The following ADORA2B variants were observed in gnomAD, a reference collection of about 807,000 sequenced individuals.
ADORA2B encodes the protein adenosine receptor A2b.
ADORA2B carries 18 observed loss-of-function variants against 20.8 expected under a neutral mutation model. That is an observed-to-expected ratio of 0.87 (90% confidence interval 0.60 to 1.29). ADORA2B has a LOEUF of 1.29. Ranked by LOEUF, ADORA2B falls within the 50% of genes most tolerant of loss-of-function variation. The probability of loss-of-function intolerance (pLI) is 0.00; values close to 1 mark genes in which losing one functional copy is unlikely to be tolerated. For synonymous variants in ADORA2B, 179 were observed against 178.3 expected, an observed-to-expected ratio of 1.00 and a Z score of -0.03; for missense variants, 441 against 422.7, an observed-to-expected ratio of 1.04 and a Z score of -0.38.
chr17:15,873,792 GT>G, the ADORA2B span, among the ~76,000 whole-genome samples: 1 of 152,124 alleles, frequency 6.6e-6, no homozygotes, highest in Admixed American at 6.5e-5. Flanking sequence ...TACACTACTG[GT>G]GGTAATGTAA....
In ADORA2B at chr17:15,953,434, C is replaced by T. The variant is rs144101649; in HGVS notation, c.335+7851C>T. Among the ~76,000 whole-genome samples, 123 of 152,324 alleles carry T rather than the reference C, an allele frequency of 8.1e-4. 1 individual carries two copies. The East Asian group carries it at 0.021, about 26-fold the overall frequency. ...CCACCAGTCCCTCTGCCGGGGGCAGCCCCCAGCCTGTTTCTCTTGGCATTT... is the reference window on the plus strand; with the variant it reads ...CCACCAGTCCCTCTGCCGGGGGCAGTCCCCAGCCTGTTTCTCTTGGCATTT... On this transcript the variant is annotated intron_variant, in intron 1 of 1. Coordinates refer to ENST00000304222, the MANE Select transcript of ADORA2B (RefSeq NM_000676.4).
chr17:15,962,235 G>A (rs942792629), intron 1 of ADORA2B, among the ~76,000 whole-genome samples: 4 of 151,914 alleles, frequency 2.6e-5, no homozygotes, highest in Non-Finnish European at 4.4e-5. Flanking sequence ...CCCGGGAGGC[G>A]GAGGTTGCAG....
At chr17:15,920,205 G>C in the ADORA2B span, among the ~76,000 whole-genome samples, 2 of 152,166 alleles carry the variant, frequency 1.3e-5, no homozygotes, top group Non-Finnish European at 2.9e-5. Context: ...ATAGACACGG[G>C]AGACACAGAA....
the ADORA2B span, among the ~76,000 whole-genome samples, chr17:15,854,718 A>C: frequency 6.6e-6 from 1 of 152,252 alleles, no homozygotes; most frequent in African/African-American, 2.4e-5. Flanking sequence ...AAGGGAAAGA[A>C]TGCTTTGGAA....
intron 1 of ADORA2B, among the ~76,000 whole-genome samples, chr17:15,950,559 C>T (rs1281927691): frequency 6.6e-6 from 1 of 152,172 alleles, no homozygotes; most frequent in Non-Finnish European, 1.5e-5. Context: ...AGTCACTTCC[C>T]GGACCTCGTT....
At chr17:15,906,136 C>G in the ADORA2B span, among the ~76,000 whole-genome samples, 1 of 152,178 alleles carries the variant, frequency 6.6e-6, no homozygotes, top group African/African-American at 2.4e-5. Context: ...CTAGAACTTC[C>G]AGTACAATGT....
At chr17:15,873,090 T>G in the ADORA2B span, among the ~76,000 whole-genome samples, 1 of 152,200 alleles carries the variant, frequency 6.6e-6, no homozygotes, top group Non-Finnish European at 1.5e-5. Flanking sequence ...TTATGCCTAG[T>G]TGTTAAGAGC....
the ADORA2B span, among the ~76,000 whole-genome samples, chr17:15,906,564 C>G: frequency 6.6e-6 from 1 of 152,082 alleles, no homozygotes; most frequent in Non-Finnish European, 1.5e-5. Context: ...CTATAGTTTT[C>G]TTGTAATGTC....
At chr17:15,909,195 A>T in the ADORA2B span, among the ~76,000 whole-genome samples, 5 of 64,196 alleles carry the variant, frequency 7.8e-5, 1 homozygote, top group Admixed American at 4.0e-4. Context: ...CTACGTCTCT[A>T]AAAAAAACAG....
At chr17:15,883,665 GAC>G in the ADORA2B span, among the ~76,000 whole-genome samples, 1 of 152,230 alleles carries the variant, frequency 6.6e-6, no homozygotes, top group Non-Finnish European at 1.5e-5. Flanking sequence ...ATGGTAGAGG[GAC>G]ACAGTCACAC....
the ADORA2B span, among the ~76,000 whole-genome samples, chr17:15,922,741 C>T: frequency 6.6e-6 from 1 of 152,220 alleles, no homozygotes; most frequent in Admixed American, 6.5e-5. Context: ...GTTTATGCTT[C>T]TGACGGAACA....
chr17:15,946,943 C>T (rs892242133), intron 1 of ADORA2B, among the ~76,000 whole-genome samples: 1 of 152,154 alleles, frequency 6.6e-6, no homozygotes, highest in Non-Finnish European at 1.5e-5. Flanking sequence ...GGAATGGAGC[C>T]GGAGAATGCT....
chr17:15,894,542 G>A, the ADORA2B span, among the ~76,000 whole-genome samples: 2 of 152,220 alleles, frequency 1.3e-5, no homozygotes, highest in Non-Finnish European at 2.9e-5. Context: ...GAGTCCAAGG[G>A]GGCAGGGCCT....
chr17:15,875,193 C>G, the ADORA2B span, among the ~76,000 whole-genome samples: 2 of 152,150 alleles, frequency 1.3e-5, no homozygotes, highest in Non-Finnish European at 2.9e-5. Context: ...CTGCAGAGAT[C>G]CTGATGAGCA....
the ADORA2B span, among the ~76,000 whole-genome samples, chr17:15,918,557 C>T: frequency 1.3e-5 from 2 of 152,166 alleles, no homozygotes; most frequent in African/African-American, 4.8e-5. Context: ...CTGCAACCTC[C>T]GCCTTCCGGA....
the ADORA2B span, among the ~76,000 whole-genome samples, chr17:15,859,022 C>T: frequency 6.6e-6 from 1 of 152,130 alleles, no homozygotes; most frequent in Admixed American, 6.5e-5. Flanking sequence ...TAGGGTCTTG[C>T]TTTGTTGCCC....
At chr17:15,942,460 C>A (rs1166106097), upstream of ADORA2B, among the ~76,000 whole-genome samples, 1 of 152,166 alleles carries the variant, frequency 6.6e-6, no homozygotes, top group Non-Finnish European at 1.5e-5. Flanking sequence ...AAATAAACCT[C>A]TTTTCTTTGT....
chr17:15,880,986 A>G, the ADORA2B span, among the ~76,000 whole-genome samples: 30 of 152,246 alleles, frequency 2.0e-4, no homozygotes, highest in Non-Finnish European at 2.9e-4. Flanking sequence ...CTAATTTCAC[A>G]GGGAGGATCC....
chr17:15,871,650 AG>A, the ADORA2B span, among the ~76,000 whole-genome samples: 18 of 152,184 alleles, frequency 1.2e-4, no homozygotes, highest in African/African-American at 2.4e-5. Flanking sequence ...GCTGGGCAGA[AG>A]GGGCCCATGT....
Sources: gnomAD v4.1 joint callset for allele counts (sites outside exome capture counted in the v4.1 genomes callset) on GRCh38, gnomAD v4.1.1 for gene constraint, MANE v1.5 for transcripts, NCBI Gene and HGNC (gene_info 2026-07-23, HGNC 2026-07-21) for gene names.